Variants in ROBO1 observed in about 807,000 individuals in gnomAD.
The protein encoded by ROBO1 is roundabout guidance receptor 1, also known as roundabout homolog 1.
In ROBO1, 149 loss-of-function variants were observed where a neutral mutation model predicts 195.9. The observed-to-expected ratio is 0.76, with a 90% CI of 0.67 to 0.87. ROBO1 has a LOEUF of 0.87. ROBO1 is among the 40% of genes least tolerant of loss of function. The probability of loss-of-function intolerance (pLI) is 0.00; values close to 1 mark genes in which losing one functional copy is unlikely to be tolerated. For synonymous variants in ROBO1, 816 were observed against 733.2 expected, an observed-to-expected ratio of 1.11 and a Z score of -1.82; for missense variants, 1,933 against 2,068.3, an observed-to-expected ratio of 0.93 and a Z score of 1.27.
chr3:79,062,843 G>C (rs1266129318), intron 3 of ROBO1, among the ~76,000 whole-genome samples: 1 of 152,026 alleles, frequency 6.6e-6, no homozygotes, highest in Non-Finnish European at 1.5e-5. Flanking sequence ...CAGGTGGAAG[G>C]CTGGAGGAGG....
intron 2 of ROBO1, among the ~76,000 whole-genome samples, chr3:79,161,193 T>C (rs1337688258): frequency 2.6e-5 from 4 of 152,080 alleles, no homozygotes; most frequent in African/African-American, 9.7e-5. Flanking sequence ...ACAGTTGTAT[T>C]CCTTGACCAA....
intron 2 of ROBO1, among the ~76,000 whole-genome samples, chr3:79,512,330 T>C (rs542289772): frequency 6.6e-6 from 1 of 152,296 alleles, no homozygotes; most frequent in South Asian, 2.1e-4. Context: ...CAATTATAAG[T>C]CTTGTGCTAT....
rs558505325 is a variant in ROBO1 at position 79,468,429 on chromosome 3, G to C, written c.88+121395C>G. Among the ~76,000 whole-genome samples, 26 of 152,238 alleles carry C rather than the reference G, an allele frequency of 1.7e-4. No homozygotes were observed. In the South Asian group the frequency reaches 2.9e-3, roughly 17 times the overall value. On this transcript the variant is annotated intron_variant, in intron 2 of 30. Transcript: ENST00000464233. Reference sequence around the variant, plus strand: ...ATGTCACAACAAGATTTGAACAATCGGGTCAGAGGCCGTGCTCTTAATAGC... The same window carrying C: ...ATGTCACAACAAGATTTGAACAATCCGGTCAGAGGCCGTGCTCTTAATAGC...
intron 4 of ROBO1, among the ~76,000 whole-genome samples, chr3:78,922,784 A>T (rs1435308170): frequency 6.6e-6 from 1 of 151,570 alleles, no homozygotes; most frequent in African/African-American, 2.4e-5. Flanking sequence ...TAACTTTTGT[A>T]TTTTTAGTAG....
At chr3:79,683,915 G>A (rs567446375) in intron 1 of ROBO1, among the ~76,000 whole-genome samples, 30 of 151,912 alleles carry the variant, frequency 2.0e-4, no homozygotes, top group African/African-American at 4.1e-4. Flanking sequence ...GAATATTCCC[G>A]TACACGTTTT....
At chr3:79,417,708 T>G (rs943430196) in intron 2 of ROBO1, among the ~76,000 whole-genome samples, 2 of 152,184 alleles carry the variant, frequency 1.3e-5, no homozygotes, top group African/African-American at 4.8e-5. Context: ...GAATCTCTTT[T>G]ACATCAGTGA....
chr3:79,508,777 A>G (rs7622444), intron 2 of ROBO1, among the ~76,000 whole-genome samples: 33,840 of 152,092 alleles, frequency 0.22, 4,485 homozygotes, highest in African/African-American at 0.34. Flanking sequence ...ACCTTCTTCT[A>G]TTTAGCATGG....
chr3:79,602,805 A>G (rs1412800086), intron 1 of ROBO1, among the ~76,000 whole-genome samples: 1 of 152,020 alleles, frequency 6.6e-6, no homozygotes, highest in African/African-American at 2.4e-5. Flanking sequence ...TACTGGAACT[A>G]AAAATAGGTC....
chr3:79,602,994 C>T (rs963276822), intron 1 of ROBO1, among the ~76,000 whole-genome samples: 5 of 151,978 alleles, frequency 3.3e-5, no homozygotes, highest in Admixed American at 3.3e-4. Flanking sequence ...AATGTATACA[C>T]ACATACATTC....
At chr3:79,745,126 C>T (rs568646276) in intron 1 of ROBO1, among the ~76,000 whole-genome samples, 15 of 152,200 alleles carry the variant, frequency 9.9e-5, no homozygotes, top group African/African-American at 2.4e-4. Flanking sequence ...TTAAGTACAG[C>T]TTACATCCAT....
chr3:79,158,012 G>A (rs114001549), intron 2 of ROBO1, among the ~76,000 whole-genome samples: 2,517 of 151,826 alleles, frequency 0.017, 28 homozygotes, highest in Non-Finnish European at 0.026. Flanking sequence ...CAGAATAAAC[G>A]TTTTTATATG....
At chr3:79,051,913 T>C (rs1207373105) in intron 3 of ROBO1, among the ~76,000 whole-genome samples, 1 of 152,112 alleles carries the variant, frequency 6.6e-6, no homozygotes, top group African/African-American at 2.4e-5. Flanking sequence ...CCCATCATCT[T>C]CCTAAGCTGA....
At chr3:78,758,440 C>T (rs956231267) in intron 4 of ROBO1, among the ~76,000 whole-genome samples, 7 of 147,038 alleles carry the variant, frequency 4.8e-5, no homozygotes, top group African/African-American at 1.8e-4. Flanking sequence ...GGGAGGATTG[C>T]TTGAGCCCAG....
chr3:78,890,474 T>C (rs1451942087), intron 4 of ROBO1, among the ~76,000 whole-genome samples: 1 of 152,058 alleles, frequency 6.6e-6, no homozygotes, highest in Non-Finnish European at 1.5e-5. Flanking sequence ...ACTTCTAGAC[T>C]TCAGAACCTT....
At chr3:79,145,553 C>A (rs2080630877) in intron 2 of ROBO1, among the ~76,000 whole-genome samples, 1 of 151,874 alleles carries the variant, frequency 6.6e-6, no homozygotes, top group Non-Finnish European at 1.5e-5. Context: ...TGTCATAAGA[C>A]TTTGTAACAA....
chr3:78,866,857 T>C (rs1379939577), intron 4 of ROBO1, among the ~76,000 whole-genome samples: 1 of 152,154 alleles, frequency 6.6e-6, no homozygotes, highest in Non-Finnish European at 1.5e-5. Context: ...TAGTCTGTAA[T>C]TCTAGACCAC....
chr3:79,127,216 C>T (rs953894589), intron 2 of ROBO1, among the ~76,000 whole-genome samples: 1 of 152,092 alleles, frequency 6.6e-6, no homozygotes, highest in African/African-American at 2.4e-5. Flanking sequence ...AACTTTTAAG[C>T]CACATCAGTG....
intron 1 of ROBO1, among the ~76,000 whole-genome samples, chr3:79,743,028 A>G (rs1237800004): frequency 1.3e-5 from 2 of 152,248 alleles, no homozygotes; most frequent in African/African-American, 4.8e-5. Flanking sequence ...ATTCCCAAAA[A>G]GTAACTTCCT....
intron 4 of ROBO1, among the ~76,000 whole-genome samples, chr3:78,914,815 A>C (rs1304621444): frequency 6.7e-6 from 1 of 149,064 alleles, no homozygotes; most frequent in Non-Finnish European, 1.5e-5. Context: ...ACTTAACTAA[A>C]ACCTTAGGTA....
Sources: gnomAD v4.1 joint callset for allele counts (sites outside exome capture counted in the v4.1 genomes callset) on GRCh38, gnomAD v4.1.1 for gene constraint, MANE v1.5 for transcripts, NCBI Gene and HGNC (gene_info 2026-07-23, HGNC 2026-07-21) for gene names.